Variants in LRRC40 observed in about 807,000 individuals in gnomAD.
LRRC40 encodes the protein leucine rich repeat containing 40, also known as leucine-rich repeat-containing protein 40.
Under a neutral mutation model 72.8 loss-of-function variants are expected in LRRC40, and 76 were observed. The observed-to-expected ratio is 1.04, with a 90% CI of 0.87 to 1.26. LRRC40 has a LOEUF of 1.26. LRRC40 is among the 50% of genes most tolerant of loss of function. LRRC40 has a pLI of 0.00. For synonymous variants in LRRC40, 243 were observed against 254.2 expected (o/e 0.96, Z 0.42); for missense variants, 684 against 698.9 (o/e 0.98, Z 0.24).
chr1:70,156,955 A>G (rs1481489908), intron 10 of LRRC40, among the ~76,000 whole-genome samples: 1 of 152,242 alleles, frequency 6.6e-6, no homozygotes, highest in Non-Finnish European at 1.5e-5. Flanking sequence ...ACTACTATAT[A>G]GAACTCTAAC....
chr1:70,189,030 G>C, intron 2 of LRRC40, 62 bp downstream of exon 2: 1 of 1,425,442 alleles, frequency 7.0e-7, no homozygotes, highest in Non-Finnish European at 9.5e-7. Flanking sequence ...TGCTACCAAA[G>C]CCTAAATTTA....
chr1:70,164,541 C>T (rs1571452542), intron 9 of LRRC40, among the ~76,000 whole-genome samples: 1 of 152,104 alleles, frequency 6.6e-6, no homozygotes, highest in African/African-American at 2.4e-5. Context: ...TCACTGAAAC[C>T]ACAGCAGCAC....
chr1:70,194,497 G>A (rs1470333656), intron 1 of LRRC40, among the ~76,000 whole-genome samples: 2 of 152,038 alleles, frequency 1.3e-5, no homozygotes, highest in East Asian at 1.9e-4. Flanking sequence ...CAAAGATGTC[G>A]CTTCTCCCCA....
chr1:70,205,317 G>A, intron 1 of LRRC40, 73 bp downstream of exon 1: 1 of 1,415,950 alleles, frequency 7.1e-7, no homozygotes, highest in Non-Finnish European at 9.5e-7. Flanking sequence ...AGCCAGCCCA[G>A]AGAAAAGGGA....
At chr1:70,172,037 T>A (rs1010495070) in intron 9 of LRRC40, among the ~76,000 whole-genome samples, 12 of 152,104 alleles carry the variant, frequency 7.9e-5, no homozygotes, top group South Asian at 2.1e-4. Context: ...ACCACCAAGG[T>A]AACAGTATTA....
chr1:70,173,018 T>C (rs1208517487), intron 9 of LRRC40, among the ~76,000 whole-genome samples: 1 of 152,134 alleles, frequency 6.6e-6, no homozygotes, highest in Non-Finnish European at 1.5e-5. Context: ...TGGTACATGT[T>C]CTTGCTAAAT....
At position 70,145,378 on chromosome 1, in the gene LRRC40, A is replaced by T. The variant is rs1345344900; in HGVS notation, c.*422T>A. 1.3e-5 allele frequency: 2 copies of T among 152,404 alleles called. No homozygotes were observed. The highest frequency in any genetic ancestry group is 4.8e-5 in the African/African-American group (2 of 41,476). The allele number at this position is 152,404 out of a possible 1,614,324, so 9.4% of individuals were successfully genotyped here. A position where few individuals can be genotyped will look rare whatever the true frequency, so the allele number is the denominator to read the frequency against. On this transcript the variant is annotated 3_prime_UTR_variant, in exon 15 of 15. Transcript: ENST00000370952. ...AGTCATATTCAAGTCAATTGGTCACATTGTATGGAATACAAAAATAAATGA... is the reference window on the plus strand; with the variant it reads ...AGTCATATTCAAGTCAATTGGTCACTTTGTATGGAATACAAAAATAAATGA...
chr1:70,155,789 G>C lies in LRRC40; in HGVS notation c.1228C>G (p.Gln410Glu). 1 of 1,543,252 alleles carries C rather than the reference G, an allele frequency of 6.5e-7. No individual in the cohort carries two copies. The highest frequency in any genetic ancestry group is 1.4e-5 in the African/African-American group (1 of 73,550). Reference sequence around the variant, plus strand: ...ACCTCATCAGGAATCAAAGTTGCTTGTTTATCACTAAATGAAAAATGGTTT... The same window carrying C: ...ACCTCATCAGGAATCAAAGTTGCTTCTTTATCACTAAATGAAAAATGGTTT... The part of the protein sequence containing the change: ...TLKILDYSDK[Q>E]ATLIPDEVFD... Residue 410 changes from glutamine to glutamate, a missense_variant, in exon 11 of 15, where the codon CAA (glutamine) becomes GAA (glutamate). Physicochemically the swap from Gln to Glu is conservative, Grantham distance 29 (BLOSUM62 2). Coordinates refer to ENST00000370952, the MANE Select transcript of LRRC40 (RefSeq NM_017768.5).
intron 11 of LRRC40, 29 bp downstream of exon 11, chr1:70,155,660 A>T: frequency 9.7e-7 from 1 of 1,033,008 alleles, no homozygotes; most frequent in Non-Finnish European, 1.4e-6. Flanking sequence ...ATGAGTCACA[A>T]CCTATAGACA....
intron 14 of LRRC40, among the ~76,000 whole-genome samples, chr1:70,148,184 T>C (rs1667362530): frequency 6.9e-6 from 1 of 145,134 alleles, no homozygotes; most frequent in South Asian, 2.2e-4. Flanking sequence ...AAGGAGTTAA[T>C]ATTTCCCCGA....
Position 70,179,004 on chromosome 1 carries a change from T to C in LRRC40, c.662-11A>G, listed in dbSNP as rs758662715. ...CCAAATGCTTCAACCCTGTAATATA[T>C]ATTCAGTAAAAAACAAAAATAGAGA... On this transcript the variant is annotated splice_polypyrimidine_tract_variant and intron_variant, in intron 5 of 14. Coordinates refer to ENST00000370952, the MANE Select transcript of LRRC40 (RefSeq NM_017768.5). 3.4e-6 allele frequency: 5 copies of C among 1,486,340 alleles called. No individual in the cohort carries two copies. The highest frequency in any genetic ancestry group is 2.9e-5 in the South Asian group (2 of 68,736). 92.1% of individuals were successfully genotyped at this position (1,486,340 alleles called of 1,614,324 possible). A position where few individuals can be genotyped will look rare whatever the true frequency, so the allele number is the denominator to read the frequency against.
At chr1:70,145,937 C>T in intron 14 of LRRC40, 32 bp from the exon 15 acceptor site, 1 of 1,042,002 alleles carries the variant, frequency 9.6e-7, no homozygotes, top group Non-Finnish European at 1.4e-6. Flanking sequence ...AGAATGTAAA[C>T]ATTTTCCATT....
At chr1:70,205,352 G>C (rs376137792) in intron 1 of LRRC40, 38 bp downstream of exon 1, 1 of 1,515,968 alleles carries the variant, frequency 6.6e-7, no homozygotes, top group East Asian at 2.3e-5. Context: ...AAGGCTTTCT[G>C]ACAGGAGACA....
intron 9 of LRRC40, among the ~76,000 whole-genome samples, chr1:70,172,669 A>G (rs983716286): frequency 6.6e-6 from 1 of 152,194 alleles, no homozygotes; most frequent in Non-Finnish European, 1.5e-5. Flanking sequence ...GTAGAAAATA[A>G]GAGTCTTAGA....
intron 1 of LRRC40, among the ~76,000 whole-genome samples, chr1:70,197,257 G>A (rs1419152372): frequency 6.6e-6 from 1 of 151,636 alleles, no homozygotes; most frequent in Non-Finnish European, 1.5e-5. Context: ...GGCGGCGGGG[G>A]GGAGGAAGAT....
intron 14 of LRRC40, chr1:70,147,010 ATTTTC>A (rs1196128290): frequency 1.3e-5 from 2 of 152,100 alleles, no homozygotes; most frequent in African/African-American, 2.4e-5. Context: ...TTAAAGACTT[ATTTTC>A]TTAATTTCTA....
intron 1 of LRRC40, among the ~76,000 whole-genome samples, chr1:70,198,917 G>A (rs1668673819): frequency 6.6e-6 from 1 of 152,132 alleles, no homozygotes; most frequent in African/African-American, 2.4e-5. Context: ...TTGGGAGGGT[G>A]AGTTGGACAG....
intron 1 of LRRC40, among the ~76,000 whole-genome samples, chr1:70,194,721 T>C (rs957991075): frequency 6.6e-6 from 1 of 152,092 alleles, no homozygotes; most frequent in Non-Finnish European, 1.5e-5. Context: ...AAGCCAATTC[T>C]AAAATGTGTA....
At chr1:70,146,947 A>G (rs1667318139) in intron 14 of LRRC40, 1 of 152,092 alleles carries the variant, frequency 6.6e-6, no homozygotes, top group Non-Finnish European at 1.5e-5. Context: ...GGACTCAACC[A>G]TATTGTTGAT....
Sources: allele counts gnomAD v4.1 joint callset (sites outside exome capture counted in the v4.1 genomes callset), GRCh38; gene constraint gnomAD v4.1.1; transcripts MANE v1.5; gene names NCBI Gene and HGNC (gene_info 2026-07-23, HGNC 2026-07-21).